The following SEMA3D variants were observed in gnomAD, a reference collection of about 807,000 sequenced individuals.
The protein encoded by SEMA3D is semaphorin 3D, also known as semaphorin-3D.
SEMA3D carries 84 observed loss-of-function variants against 100.1 expected under a neutral mutation model. The ratio of observed to expected loss-of-function variants is 0.84; its 90% confidence interval spans 0.70 to 1.01. The LOEUF is 1.01. SEMA3D is among the 50% of genes least tolerant of loss of function. SEMA3D has a pLI of 0.00. For synonymous variants in SEMA3D, 312 were observed against 320.7 expected (o/e 0.97, Z 0.29); for missense variants, 875 against 934.1 (o/e 0.94, Z 0.82).
intron 1 of SEMA3D, among the ~76,000 whole-genome samples, chr7:85,177,350 T>G (rs1377552914): frequency 6.6e-6 from 1 of 152,148 alleles, no homozygotes; most frequent in Non-Finnish European, 1.5e-5. Flanking sequence ...ATATTCAAAA[T>G]AGTCATGGTA....
At chr7:85,116,392 A>G (rs1166848929) in intron 3 of SEMA3D, among the ~76,000 whole-genome samples, 1 of 146,430 alleles carries the variant, frequency 6.8e-6, no homozygotes, top group Non-Finnish European at 1.5e-5. Flanking sequence ...AAATATATAC[A>G]TAAATATATA....
intron 3 of SEMA3D, 68 bp from the exon 4 acceptor site, chr7:85,098,033 A>T: frequency 1.2e-6 from 1 of 827,724 alleles, no homozygotes; most frequent in Non-Finnish European, 1.8e-6. Context: ...AAGAAAGGAG[A>T]GAAAGAAGAA....
chr7:85,082,926 C>T (rs960942339), intron 4 of SEMA3D, among the ~76,000 whole-genome samples: 2 of 152,000 alleles, frequency 1.3e-5, no homozygotes, highest in African/African-American at 4.8e-5. Flanking sequence ...TACACAATGC[C>T]GACTAGAAAA....
At chr7:85,010,217 G>C (rs1235230976) in intron 17 of SEMA3D, among the ~76,000 whole-genome samples, 1 of 151,788 alleles carries the variant, frequency 6.6e-6, no homozygotes, top group African/African-American at 2.4e-5. Context: ...AGTGAATCTA[G>C]CAACAGTGAT....
intron 12 of SEMA3D, among the ~76,000 whole-genome samples, chr7:85,032,554 C>A (rs1020996006): frequency 6.6e-6 from 1 of 151,936 alleles, no homozygotes; most frequent in Non-Finnish European, 1.5e-5. Context: ...CTAGATAAAG[C>A]CTGCAAACAT....
intron 4 of SEMA3D, among the ~76,000 whole-genome samples, chr7:85,085,051 C>T (rs760799867): frequency 1.3e-5 from 2 of 151,970 alleles, no homozygotes; most frequent in African/African-American, 4.8e-5. Context: ...CACTGATGGG[C>T]GTTTAGGTTG....
chr7:85,068,728 A>G lies in SEMA3D; in HGVS notation c.496-444T>C, dbSNP rs140602828. 1.1e-4 allele frequency among the ~76,000 whole-genome samples: 16 copies of G among 152,264 alleles called. No individual in the cohort carries two copies. The South Asian group carries it at 2.7e-3, about 26-fold the overall frequency. On this transcript the variant is annotated intron_variant, in intron 6 of 18. Transcript: ENST00000284136. ...TTTATATAACTAAGCATCTTCAACT[A>G]TGTCAAATGACTTAAACCCTGTAAT... is the stretch of plus-strand genomic sequence containing the variant.
chr7:85,031,909 C>A (rs1409901696), intron 12 of SEMA3D, among the ~76,000 whole-genome samples: 1 of 151,804 alleles, frequency 6.6e-6, no homozygotes, highest in East Asian at 1.9e-4. Flanking sequence ...GAAAGAATGC[C>A]AGGAAATAAT....
At chr7:85,086,449 G>A (rs977153157) in intron 4 of SEMA3D, among the ~76,000 whole-genome samples, 2 of 151,536 alleles carry the variant, frequency 1.3e-5, no homozygotes, top group African/African-American at 4.8e-5. Context: ...TTAAAGATCC[G>A]CTCTTATTCT....
chr7:85,097,035 T>C (rs1410614919), intron 4 of SEMA3D, among the ~76,000 whole-genome samples: 4 of 151,834 alleles, frequency 2.6e-5, no homozygotes, highest in Non-Finnish European at 2.9e-5. Context: ...TCTGATATTA[T>C]GTAATCTTAT....
intron 17 of SEMA3D, among the ~76,000 whole-genome samples, chr7:85,012,118 C>T (rs1440966975): frequency 1.3e-5 from 2 of 151,720 alleles, no homozygotes; most frequent in East Asian, 3.9e-4. Flanking sequence ...CTGGCCTTCT[C>T]CTTCTTTCAA....
chr7:85,006,846 T>C lies in SEMA3D; in HGVS notation c.1864A>G (p.Ile622Val). ...ECIPKSQQAT[I>V]KWYIQRSGDE... ...CCTGACCTCTGGATATACCATTTAA[T>C]AGTTGCTTGTTGGGATTTAGGTATA... The change falls in exon 18 of 19, where the codon ATT becomes GTT. Residue 622 changes from isoleucine (I) to valine (V), a missense_variant. Coordinates refer to ENST00000284136, the MANE Select transcript of SEMA3D (RefSeq NM_001384900.1). 4.3e-6 allele frequency: 7 copies of C among 1,611,234 alleles called. No homozygotes were observed. The highest frequency in any genetic ancestry group is 5.9e-6 in the Non-Finnish European group (7 of 1,178,176).
At chr7:85,217,357 A>G in the SEMA3D span, among the ~76,000 whole-genome samples, 1 of 152,034 alleles carries the variant, frequency 6.6e-6, no homozygotes, top group East Asian at 1.9e-4. Context: ...TGCTTCAGTA[A>G]TACTCCTGGC....
chr7:85,010,964 G>C (rs987530464), intron 17 of SEMA3D, among the ~76,000 whole-genome samples: 5 of 151,766 alleles, frequency 3.3e-5, no homozygotes, highest in South Asian at 2.1e-4. Context: ...CACTCAGAAG[G>C]CAGTCTGAAA....
chr7:85,109,605 G>T (rs189663051), intron 3 of SEMA3D, among the ~76,000 whole-genome samples: 88 of 151,986 alleles, frequency 5.8e-4, no homozygotes, highest in African/African-American at 2.0e-3. Context: ...GAATTAGTTG[G>T]ATTAAAGCAG....
At chr7:85,182,607 T>C (rs1243910239) in intron 1 of SEMA3D, among the ~76,000 whole-genome samples, 2 of 152,272 alleles carry the variant, frequency 1.3e-5, no homozygotes, top group African/African-American at 2.4e-5. Context: ...AAATAGACTA[T>C]TAGCTTGACA....
the SEMA3D span, among the ~76,000 whole-genome samples, chr7:85,248,896 T>C: frequency 6.6e-6 from 1 of 152,140 alleles, no homozygotes; most frequent in Non-Finnish European, 1.5e-5. Context: ...GATACTACAA[T>C]TGTGGATATA....
intron 3 of SEMA3D, among the ~76,000 whole-genome samples, chr7:85,101,024 A>G (rs1484144964): frequency 6.6e-6 from 1 of 151,992 alleles, no homozygotes; most frequent in African/African-American, 2.4e-5. Flanking sequence ...CCAATGGTGT[A>G]ATATATTTTA....
chr7:85,241,725 T>C, the SEMA3D span, among the ~76,000 whole-genome samples: 2 of 151,322 alleles, frequency 1.3e-5, no homozygotes, highest in Non-Finnish European at 2.9e-5. Flanking sequence ...GTTCAGTATA[T>C]AATGTTCAGG....
Sources: allele counts gnomAD v4.1 joint callset (sites outside exome capture counted in the v4.1 genomes callset), GRCh38; gene constraint gnomAD v4.1.1; transcripts MANE v1.5; gene names NCBI Gene and HGNC (gene_info 2026-07-23, HGNC 2026-07-21).